Variants in THSD4 observed in about 807,000 individuals in gnomAD.
THSD4 encodes the protein thrombospondin type-1 domain-containing protein 4.
A neutral mutation model predicts 119.0 loss-of-function variants in THSD4; 69 were observed. The ratio of observed to expected loss-of-function variants is 0.58; its 90% confidence interval spans 0.48 to 0.71. The LOEUF (loss-of-function observed/expected upper bound fraction) is 0.71, where lower values mean the gene tolerates loss of function less well. Among genes scored for constraint, THSD4 ranks in the 30% least tolerant of loss-of-function variants. The pLI, the probability that THSD4 is intolerant of heterozygous loss-of-function variation, is 0.00. For missense variants in THSD4, 1,393 were observed against 1,391.1 expected, an observed-to-expected ratio of 1.00 and a Z score of -0.02; for synonymous variants, 524 against 540.4, an observed-to-expected ratio of 0.97 and a Z score of 0.42.
At chr15:71,620,680 A>G (rs1389833948) in intron 7 of THSD4, among the ~76,000 whole-genome samples, 1 of 152,192 alleles carries the variant, frequency 6.6e-6, no homozygotes, top group Non-Finnish European at 1.5e-5. Flanking sequence ...CTCTGTGTAT[A>G]ACCTTGCACA....
chr15:71,117,176 G>A (rs1229237233), intron 1 of THSD4, among the ~76,000 whole-genome samples: 35 of 152,132 alleles, frequency 2.3e-4, no homozygotes, highest in Admixed American at 2.3e-3. Flanking sequence ...GAACTCATGT[G>A]ATCTCCTCTG....
intron 12 of THSD4, among the ~76,000 whole-genome samples, chr15:71,745,973 A>G (rs1381649209): frequency 1.3e-5 from 2 of 152,170 alleles, no homozygotes. Flanking sequence ...GATAAATGGG[A>G]CACTTGAAGA....
intron 16 of THSD4, among the ~76,000 whole-genome samples, chr15:71,770,576 A>T (rs1051365676): frequency 1.3e-5 from 2 of 152,038 alleles, no homozygotes; most frequent in African/African-American, 2.4e-5. Flanking sequence ...AATTGCTTGA[A>T]CCTGGGAGGT....
chr15:71,756,419 G>A (rs1048068107), intron 14 of THSD4, among the ~76,000 whole-genome samples: 1 of 152,196 alleles, frequency 6.6e-6, no homozygotes, highest in African/African-American at 2.4e-5. Flanking sequence ...AATGGTAACG[G>A]TGGTGAAGGT....
chr15:71,448,661 A>G (rs1176125218), intron 7 of THSD4, among the ~76,000 whole-genome samples: 1 of 152,216 alleles, frequency 6.6e-6, no homozygotes, highest in Non-Finnish European at 1.5e-5. Context: ...AGAATGGGGT[A>G]TCCATCCCTG....
chr15:71,242,509 C>G (rs1596287018), intron 4 of THSD4, 140 bp from the exon 5 acceptor site: 1 of 870,986 alleles, frequency 1.1e-6, no homozygotes, highest in East Asian at 2.4e-5. Flanking sequence ...AATGCGTTCC[C>G]CCTGCTTCCC....
intron 1 of THSD4, among the ~76,000 whole-genome samples, chr15:71,099,992 A>T (rs1374849953): frequency 6.6e-6 from 1 of 152,206 alleles, no homozygotes; most frequent in Non-Finnish European, 1.5e-5. Flanking sequence ...GTCTCAAAAA[A>T]TTAAAACATA....
chr15:71,444,568 C>A (rs572359103), intron 7 of THSD4, among the ~76,000 whole-genome samples: 1 of 152,242 alleles, frequency 6.6e-6, no homozygotes, highest in East Asian at 1.9e-4. Flanking sequence ...TCTCACAGCA[C>A]CTCACGCTGC....
At chr15:71,408,383 C>T (rs1176123073) in intron 6 of THSD4, among the ~76,000 whole-genome samples, 1 of 152,082 alleles carries the variant, frequency 6.6e-6, no homozygotes, top group African/African-American at 2.4e-5. Context: ...CAGGCGTGCA[C>T]CCTCACGCCC....
chr15:71,509,555 G>A (rs912931691), intron 7 of THSD4, among the ~76,000 whole-genome samples: 6 of 152,172 alleles, frequency 3.9e-5, no homozygotes, highest in African/African-American at 9.7e-5. Flanking sequence ...AGGGCATTTC[G>A]ACTTCAAGAA....
chr15:71,454,515 C>G (rs1022740246), intron 7 of THSD4, among the ~76,000 whole-genome samples: 2 of 152,148 alleles, frequency 1.3e-5, no homozygotes, highest in South Asian at 4.1e-4. Context: ...CCCGAGGCCC[C>G]GCGTGTGACA....
chr15:71,578,380 A>G lies in THSD4; in HGVS notation c.1153-82150A>G, dbSNP rs546481345. Among the ~76,000 whole-genome samples, 27 of 152,060 alleles carry G rather than the reference A, an allele frequency of 1.8e-4. 1 individual carries two copies. The highest frequency in any genetic ancestry group is 5.8e-4 in the African/African-American group (24 of 41,462). On this transcript the variant is annotated intron_variant, in intron 7 of 17. Transcript: ENST00000261862. ...AAGGATGATGCTCATTATGATGTCA[A>G]CCTGTTTGATAAGTGTCATGTCATT...
chr15:71,498,515 C>A lies in THSD4; in HGVS notation c.1152+86692C>A, dbSNP rs141071379. On this transcript the variant is annotated intron_variant, in intron 7 of 17. Transcript: ENST00000261862. ...GGCTGCCTCTCCTAATATTCTTCCT[C>A]CTTGCAGAGTCCCATCTTCTGTCTG... Among the ~76,000 whole-genome samples the A allele has an allele frequency of 5.4e-3, 819 of 152,188 alleles. 12 individuals are homozygous for A. The highest frequency in any genetic ancestry group is 0.019 in the African/African-American group (784 of 41,508).
chr15:71,740,068 G>T (rs548397108), intron 11 of THSD4, among the ~76,000 whole-genome samples: 26 of 152,062 alleles, frequency 1.7e-4, no homozygotes, highest in Middle Eastern at 3.4e-3. Flanking sequence ...ATAATGATTT[G>T]GTAACTGGAG....
At chr15:71,199,727 A>AGTGT (rs1257247668) in intron 3 of THSD4, among the ~76,000 whole-genome samples, 1 of 19,830 alleles carries the variant, frequency 5.0e-5, no homozygotes, top group Non-Finnish European at 9.5e-5. Context: ...GTGTGTGTGT[A>AGTGT]GTGTGTGTGT....
In THSD4 at chr15:71,485,127, G is replaced by A. The variant is rs146984742; in HGVS notation, c.1152+73304G>A. Among the ~76,000 whole-genome samples the A allele has an allele frequency of 3.9e-4, 60 of 152,258 alleles. 1 individual carries two copies. The South Asian group carries it at 7.1e-3, about 18-fold the overall frequency. On this transcript the variant is annotated intron_variant, in intron 7 of 17. Coordinates refer to ENST00000261862, the MANE Select transcript of THSD4 (RefSeq NM_024817.3). ...GGGTGTTTAATCAGTAACCACTACC[G>A]CCACTCCTGCTATCCTCATTAATGC...
chr15:71,199,775 GGT>G (rs1417542774), intron 3 of THSD4, among the ~76,000 whole-genome samples: 2 of 137,754 alleles, frequency 1.5e-5, no homozygotes, highest in South Asian at 2.4e-4. Flanking sequence ...TGGTGTGTGT[GGT>G]GTGTGGGTGT....
At chr15:71,378,129 AT>A (rs1266482507) in intron 6 of THSD4, among the ~76,000 whole-genome samples, 4 of 151,966 alleles carry the variant, frequency 2.6e-5, no homozygotes, top group Admixed American at 6.6e-5. Context: ...CTTTATTTTG[AT>A]TTTTTTCATA....
intron 7 of THSD4, among the ~76,000 whole-genome samples, chr15:71,542,749 C>T (rs1310741266): frequency 6.6e-6 from 1 of 151,784 alleles, no homozygotes; most frequent in South Asian, 2.1e-4. Flanking sequence ...TGGTGGCGGG[C>T]ACTTGTAGTC....
Sources: gnomAD v4.1 joint callset for allele counts (sites outside exome capture counted in the v4.1 genomes callset) on GRCh38, gnomAD v4.1.1 for gene constraint, MANE v1.5 for transcripts, NCBI Gene and HGNC (gene_info 2026-07-23, HGNC 2026-07-21) for gene names.